KIF1B: variants seen among roughly 807,000 people sequenced by gnomAD.
KIF1B encodes kinesin family member 1B.
In KIF1B, 76 loss-of-function variants were observed where a neutral mutation model predicts 241.9. The observed-to-expected ratio is 0.31, with a 90% CI of 0.26 to 0.38. The LOEUF is 0.38. Ranked by LOEUF, KIF1B falls within the 10% of genes least tolerant of loss-of-function variation. KIF1B has a pLI of 1.00. For synonymous variants in KIF1B, 750 were observed against 796.7 expected (o/e 0.94, Z 0.99); for missense variants, 1,622 against 2,271.4 (o/e 0.71, Z 5.81).
rs1420490833 is a variant in KIF1B at position 10,210,610 on chromosome 1, G to C, written c.-348G>C. Among the ~76,000 whole-genome samples the C allele has an allele frequency of 6.6e-6, 1 of 151,874 alleles. No homozygotes were observed. The highest frequency in any genetic ancestry group is 1.5e-5 in the Non-Finnish European group (1 of 67,914). On this transcript the variant is annotated 5_prime_UTR_variant, in exon 1 of 49. Transcript: ENST00000676179. The surrounding 1 kb of genome is among the most constrained non-coding windows in gnomAD (Gnocchi z 4.1). ...GTCCTGGGAGGCGCCCGCGCGCGTC[G>C]GAGCAGCTCCCCGTCCTCCGCAGCC...
Position 10,316,436 on chromosome 1 carries a change from C to G in KIF1B, c.2116-3607C>G, listed in dbSNP as rs139305003. ...AGATATCTGGGCATGGACTTTGGAT[C>G]GTATGCATATCCTGTTTCCCATGCA... On this transcript the variant is annotated intron_variant, in intron 22 of 48. Coordinates refer to ENST00000676179, the MANE Select transcript of KIF1B (RefSeq NM_001365951.3). Among the ~76,000 whole-genome samples, 29 of 151,606 alleles carry G rather than the reference C, an allele frequency of 1.9e-4. No homozygotes were observed. The East Asian group carries it at 5.4e-3, about 28-fold the overall frequency.
chr1:10,376,980 GT>G lies in KIF1B; in HGVS notation c.*394del. On this transcript the variant is annotated 3_prime_UTR_variant, in exon 49 of 49. Coordinates refer to ENST00000676179, the MANE Select transcript of KIF1B (RefSeq NM_001365951.3). ...GGTCCCCATCATGACCACCTCTGAT[GT>G]CTGTGCTGCTGTCACCAGGCACCTT... The G allele has an allele frequency of 3.0e-6, 1 of 333,404 alleles. No homozygotes were observed. Among genetic ancestry groups the G allele is most frequent in the South Asian group, 4.3e-5 (1 of 23,192 alleles). 20.7% of individuals were successfully genotyped at this position (333,404 alleles called of 1,614,324 possible). A position where few individuals can be genotyped will look rare whatever the true frequency, so the allele number is the denominator to read the frequency against.
intron 32 of KIF1B, among the ~76,000 whole-genome samples, chr1:10,340,752 G>T (rs1167831728): frequency 6.6e-6 from 1 of 151,850 alleles, no homozygotes; most frequent in African/African-American, 2.4e-5. Context: ...CTCCAGCCTG[G>T]GCAAGAAAGC....
At chr1:10,341,826 C>T (rs1200867042) in intron 32 of KIF1B, among the ~76,000 whole-genome samples, 2 of 151,954 alleles carry the variant, frequency 1.3e-5, no homozygotes, top group Non-Finnish European at 2.9e-5. Context: ...TTTAAATTAG[C>T]CAGGCATGGT....
rs1369474017 is a variant in KIF1B, at chr1:10,371,229, T to G, written c.4913T>G (p.Leu1638Arg). Residue 1638 changes from leucine to arginine, a missense_variant, in exon 45 of 49, where the codon CTG becomes CGG. Physicochemically the swap from Leu to Arg is moderately radical, Grantham distance 102 (BLOSUM62 -2). Transcript: ENST00000676179. ...TLTPSSTCPSLVDSRSNSLDQ... is the reference protein window; with the variant it reads ...TLTPSSTCPSRVDSRSNSLDQ... ...ACTCCCTCCTCCACCTGTCCCTCTC[T>G]GGTAGACTCTAGGAGCAACTCTCTG... The G allele has an allele frequency of 6.2e-7, 1 of 1,614,150 alleles. No homozygotes were observed. Among genetic ancestry groups the G allele is most frequent in the Non-Finnish European group, 8.5e-7 (1 of 1,179,966 alleles).
intron 22 of KIF1B, chr1:10,308,675 T>C: frequency 1.0e-6 from 1 of 954,686 alleles, no homozygotes; most frequent in Non-Finnish European, 1.3e-6. Context: ...TTGACTTTTA[T>C]TTATTGCTTT....
intron 22 of KIF1B, among the ~76,000 whole-genome samples, chr1:10,317,557 C>T (rs1401714186): frequency 2.0e-5 from 3 of 151,314 alleles, no homozygotes; most frequent in South Asian, 2.1e-4. Flanking sequence ...TGAGGCCAGG[C>T]GCACTGGCTC....
intron 2 of KIF1B, among the ~76,000 whole-genome samples, chr1:10,234,298 C>G (rs545325921): frequency 6.7e-6 from 1 of 148,834 alleles, no homozygotes; most frequent in Admixed American, 6.7e-5. Context: ...ACCTCTGTCT[C>G]CTGGGTTCAA....
chr1:10,213,224 T>C (rs1026595194), intron 1 of KIF1B, among the ~76,000 whole-genome samples: 3 of 152,106 alleles, frequency 2.0e-5, no homozygotes, highest in Non-Finnish European at 4.4e-5. Context: ...TTTGGTAAAA[T>C]CAGACCTGAT....
chr1:10,241,304 A>G (rs919364232), intron 2 of KIF1B, among the ~76,000 whole-genome samples: 1 of 150,710 alleles, frequency 6.6e-6, no homozygotes, highest in Non-Finnish European at 1.5e-5. Flanking sequence ...GAGTCTCACT[A>G]TATTGCCCAG....
intron 1 of KIF1B, among the ~76,000 whole-genome samples, chr1:10,219,379 G>A (rs895648604): frequency 6.6e-6 from 1 of 152,088 alleles, no homozygotes. Flanking sequence ...AGAATCACTT[G>A]AACCTGGGAG....
chr1:10,334,322 C>A (rs78771671), intron 27 of KIF1B, among the ~76,000 whole-genome samples, 198 bp from the exon 28 acceptor site: 2 of 152,148 alleles, frequency 1.3e-5, no homozygotes, highest in Non-Finnish European at 2.9e-5. Flanking sequence ...GTCAACAGTT[C>A]TGCCAAGCGT....
chr1:10,334,648 C>A lies in KIF1B; in HGVS notation c.3043+10C>A. The A allele has an allele frequency of 6.3e-7, 1 of 1,599,292 alleles. No individual in the cohort carries two copies. Among genetic ancestry groups the A allele is most frequent in the East Asian group, 2.2e-5 (1 of 44,794 alleles). The stretch of plus-strand genomic sequence containing the variant: ...GTACAGGCCATCGCAGGTAGGTGAC[C>A]CTCTTCTGAAATGAGAGCTGTGAGT... On this transcript the variant is annotated intron_variant, in intron 28 of 48. Coordinates refer to ENST00000676179, the MANE Select transcript of KIF1B (RefSeq NM_001365951.3).
chr1:10,303,238 A>G lies in KIF1B; in HGVS notation c.2115+5992A>G. ...GAGCTGGAAACTGATTACTTCTCTG[A>G]GAGAAAAGCTACCTCCCAGCAAGTT... On this transcript the variant is annotated intron_variant, in intron 22 of 48. Coordinates refer to ENST00000676179, the MANE Select transcript of KIF1B (RefSeq NM_001365951.3). This position sits in a 1 kb window ranked among gnomAD's most constrained non-coding sequence, Gnocchi z 5.2. The G allele has an allele frequency of 6.2e-7, 1 of 1,614,146 alleles. No individual in the cohort carries two copies. Among genetic ancestry groups the G allele is most frequent in the Non-Finnish European group, 8.5e-7 (1 of 1,180,012 alleles).
intron 14 of KIF1B, among the ~76,000 whole-genome samples, chr1:10,281,856 A>G (rs115858185): frequency 6.6e-6 from 1 of 152,352 alleles, no homozygotes; most frequent in African/African-American, 2.4e-5. Flanking sequence ...TACACGTAAC[A>G]CTGAGCCAGA....
intron 22 of KIF1B, among the ~76,000 whole-genome samples, chr1:10,312,928 A>G (rs1280962327): frequency 6.6e-6 from 1 of 151,646 alleles, no homozygotes; most frequent in African/African-American, 2.4e-5. Flanking sequence ...TGCTGAGTGG[A>G]TGGATGGATA....
rs576650360 is a variant in KIF1B, at chr1:10,262,643, C to A, written c.429+673C>A. On this transcript the variant is annotated intron_variant, in intron 5 of 48. Coordinates refer to ENST00000676179, the MANE Select transcript of KIF1B (RefSeq NM_001365951.3). ...TGCCAACATTTTTCTATTTTTTAATCTTTGCTAATTTGATAATGTAAGTAT... is the reference window on the plus strand; with the variant it reads ...TGCCAACATTTTTCTATTTTTTAATATTTGCTAATTTGATAATGTAAGTAT... 1.1e-3 allele frequency among the ~76,000 whole-genome samples: 160 copies of A among 152,186 alleles called. 1 individual carries two copies. The highest frequency in any genetic ancestry group is 5.5e-3 in the Admixed American group (84 of 15,300).
intron 1 of KIF1B, 94 bp from the exon 2 acceptor site, chr1:10,232,156 A>G: frequency 1.7e-6 from 1 of 594,982 alleles, no homozygotes. Flanking sequence ...AAATGGAAAC[A>G]GAAATAGAAC....
Position 10,365,552 on chromosome 1 carries a change from T to A in KIF1B, c.4656T>A (p.Thr1552=). Reference sequence around the variant, plus strand: ...GTATCTCCTCTCAGATCTCAACCACTACCTTTGAAAGCGCCATCACACCTA... The same window carrying A: ...GTATCTCCTCTCAGATCTCAACCACAACCTTTGAAAGCGCCATCACACCTA... ...STSISSQIST[T]TFESAITPSE... Residue 1552 remains threonine, a synonymous_variant, in exon 43 of 49, where the codon ACT becomes ACA. Transcript: ENST00000676179. This position sits in a 1 kb window ranked among gnomAD's most constrained non-coding sequence, Gnocchi z 4.0. The A allele has an allele frequency of 6.2e-7, 1 of 1,614,064 alleles. No homozygotes were observed. Among genetic ancestry groups the A allele is most frequent in the Non-Finnish European group, 8.5e-7 (1 of 1,180,006 alleles).
Sources: allele counts gnomAD v4.1 joint callset (sites outside exome capture counted in the v4.1 genomes callset), GRCh38; gene constraint gnomAD v4.1.1; non-coding constraint Gnocchi (gnomAD v3.1); transcripts MANE v1.5; gene names NCBI Gene and HGNC (gene_info 2026-07-23, HGNC 2026-07-21).